The following COL6A6 variants were observed in gnomAD, a reference collection of about 807,000 sequenced individuals.
COL6A6 encodes collagen type VI alpha 6 chain.
A neutral mutation model predicts 208.6 loss-of-function variants in COL6A6; 183 were observed. The ratio of observed to expected loss-of-function variants is 0.88; its 90% CI spans 0.78 to 0.99. COL6A6 has a LOEUF of 0.99. COL6A6 is among the 50% of genes least tolerant of loss of function. COL6A6 has a pLI of 0.00. For synonymous variants in COL6A6, 973 were observed against 1,011.8 expected, an observed-to-expected ratio of 0.96 and a Z score of 0.73; for missense variants, 2,816 against 2,815.2, an observed-to-expected ratio of 1.00 and a Z score of -0.01.
intron 1 of COL6A6, among the ~76,000 whole-genome samples, chr3:130,533,572 AAAT>A (rs1193968577): frequency 6.6e-6 from 1 of 152,252 alleles, no homozygotes; most frequent in Non-Finnish European, 1.5e-5. Flanking sequence ...CTTTTTAAAA[AAAT>A]AAAATATTAC....
chr3:130,519,739 C>T (rs28427871), intron 1 of COL6A6, among the ~76,000 whole-genome samples: 29,721 of 152,002 alleles, frequency 0.2, 3,324 homozygotes, highest in East Asian at 0.38. Context: ...ACAAGATCTT[C>T]GTAAAATGCC....
intron 23 of COL6A6, among the ~76,000 whole-genome samples, chr3:130,616,084 T>C (rs1011833269): frequency 2.0e-5 from 3 of 152,190 alleles, no homozygotes; most frequent in Admixed American, 2.0e-4. Context: ...ATGTGTACAA[T>C]TTTTTATGTT....
intron 24 of COL6A6, 42 bp from the exon 25 acceptor site, chr3:130,626,443 A>T: frequency 7.1e-7 from 1 of 1,401,820 alleles, no homozygotes; most frequent in Non-Finnish European, 1.0e-6. Context: ...TAGTGCCATC[A>T]TTTCCAATTT....
intron 4 of COL6A6, among the ~76,000 whole-genome samples, chr3:130,565,939 C>T (rs2107891587): frequency 6.6e-6 from 1 of 152,212 alleles, no homozygotes; most frequent in Middle Eastern, 3.4e-3. Context: ...CTCACGTTCC[C>T]CTGCTCTTCC....
rs2064726686 is a variant in COL6A6 at position 130,621,804 on chromosome 3, C to A, written c.4816-17C>A. The A allele has an allele frequency of 1.9e-6, 3 of 1,611,862 alleles. No individual in the cohort carries two copies. The highest frequency in any genetic ancestry group is 1.7e-6 in the Non-Finnish European group (2 of 1,178,540). On this transcript the variant is annotated splice_polypyrimidine_tract_variant and intron_variant, in intron 23 of 36. Transcript: ENST00000358511. The stretch of plus-strand genomic sequence containing the variant: ...TTTATGTTTTGCTATATTTGCAAAC[C>A]CCTTGTTTTGTTTCAGGGGCCTCCA...
chr3:130,537,127 ATT>A (rs1266303378), intron 1 of COL6A6, among the ~76,000 whole-genome samples: 2 of 152,216 alleles, frequency 1.3e-5, no homozygotes, highest in Non-Finnish European at 2.9e-5. Context: ...ACAGTTAATT[ATT>A]TTTTAGTGTA....
chr3:130,668,290 A>G (rs1315929907), intron 36 of COL6A6, among the ~76,000 whole-genome samples: 1 of 152,094 alleles, frequency 6.6e-6, no homozygotes, highest in Non-Finnish European at 1.5e-5. Flanking sequence ...CAGCCTGGCC[A>G]ACATGGTGAA....
chr3:130,645,846 C>T (rs1048613118), intron 32 of COL6A6, among the ~76,000 whole-genome samples: 1 of 152,194 alleles, frequency 6.6e-6, no homozygotes, highest in Non-Finnish European at 1.5e-5. Flanking sequence ...AAACTTATCA[C>T]CCTCTTATAC....
chr3:130,676,374 G>A lies in COL6A6; in HGVS notation c.*977G>A, dbSNP rs1046967660. ...TATGCAGTTGCAGAGATGCAAAAGA[G>A]ATCAGAGTAAGTTAAAGTAGGAAAG... is the stretch of plus-strand genomic sequence containing the variant. On this transcript the variant is annotated 3_prime_UTR_variant, in exon 37 of 37. Transcript: ENST00000358511. 6.6e-6 allele frequency: 1 copy of A among 152,252 alleles called. No homozygotes were observed. The highest frequency in any genetic ancestry group is 2.4e-5 in the African/African-American group (1 of 41,474). 9.4% of individuals were successfully genotyped at this position (152,252 alleles called of 1,614,324 possible). A position where few individuals can be genotyped will look rare whatever the true frequency, so the allele number is the denominator to read the frequency against.
At chr3:130,607,362 G>A (rs936571478) in intron 21 of COL6A6, among the ~76,000 whole-genome samples, 1 of 152,112 alleles carries the variant, frequency 6.6e-6, no homozygotes, top group Non-Finnish European at 1.5e-5. Context: ...GATATTCTGA[G>A]TATTTTGTTC....
At chr3:130,634,655 C>G (rs1487801815) in intron 27 of COL6A6, 30 bp downstream of exon 27, 4 of 1,563,510 alleles carry the variant, frequency 2.6e-6, no homozygotes, top group Non-Finnish European at 1.8e-6. Context: ...AACTAGAGAT[C>G]AGTCAGAAAT....
At position 130,589,100 on chromosome 3, in the gene COL6A6, C is replaced by G; in HGVS notation, c.4136C>G (p.Ala1379Gly). The G allele has an allele frequency of 2.5e-6, 4 of 1,613,582 alleles. No individual in the cohort carries two copies. Among genetic ancestry groups the G allele is most frequent in the Non-Finnish European group, 2.5e-6 (3 of 1,179,600 alleles). ...TTACCCTCTCCCAAGGTCAATGTTG[C>G]TGAAAGGACATGCTGCTGTTTGTTC... ...SRLSKQLVNVAERTCCCLFCK... is the reference protein window; with the variant it reads ...SRLSKQLVNVGERTCCCLFCK... The change falls in exon 12 of 37, where the codon GCT becomes GGT. Residue 1379 changes from alanine to glycine, a missense_variant. By Grantham distance (60) the Ala-to-Gly change is moderately conservative. Transcript: ENST00000358511.
rs2065428963 is a variant in COL6A6, at chr3:130,645,092, A to G, written c.5239+90A>G. The G allele has an allele frequency of 8.1e-6, 10 of 1,241,532 alleles. No homozygotes were observed. In the Admixed American group the frequency reaches 8.5e-5, roughly 11 times the overall value. The allele number at this position is 1,241,532 out of a possible 1,614,324, so 76.9% of individuals were successfully genotyped here. The stretch of plus-strand genomic sequence containing the variant: ...GAGTTAGAGCAATGTATTGGCTTCC[A>G]AATGACACAAATTTTATCTGGGCTT... On this transcript the variant is annotated intron_variant, in intron 32 of 36. Coordinates refer to ENST00000358511, the MANE Select transcript of COL6A6 (RefSeq NM_001102608.3).
At chr3:130,588,943 T>G (rs2063607558) in intron 11 of COL6A6, 147 bp from the exon 12 acceptor site, 1 of 443,660 alleles carries the variant, frequency 2.3e-6, no homozygotes, top group African/African-American at 2.1e-5. Flanking sequence ...AAAAAAAGTT[T>G]CATGCATTCT....
At chr3:130,615,700 A>G (rs1033367825) in intron 23 of COL6A6, among the ~76,000 whole-genome samples, 1 of 152,222 alleles carries the variant, frequency 6.6e-6, no homozygotes, top group East Asian at 1.9e-4. Context: ...GGTACCATAA[A>G]TTGAAATTTG....
In COL6A6 at chr3:130,586,551, C is replaced by G. The variant is rs1211369817; in HGVS notation, c.4016C>G (p.Ser1339Ter). ...GTTGCTCTGGATGGACCTGCTGATTCAAGTGACTTGGCTGATCTTCCCTAT... is the reference window on the plus strand; with the variant it reads ...GTTGCTCTGGATGGACCTGCTGATTGAAGTGACTTGGCTGATCTTCCCTAT... ...ITVALDGPAD[S>*]SDLADLPYIE... Residue 1339 changes from serine to a stop codon, truncating the protein, a stop_gained, in exon 11 of 37, where the codon TCA becomes TGA. Coordinates refer to ENST00000358511, the MANE Select transcript of COL6A6 (RefSeq NM_001102608.3). LOFTEE classifies it high-confidence loss of function. The G allele has an allele frequency of 6.2e-7, 1 of 1,613,878 alleles. No homozygotes were observed. The highest frequency in any genetic ancestry group is 8.5e-7 in the Non-Finnish European group (1 of 1,179,840).
At chr3:130,610,907 A>C (rs1225527054) in intron 23 of COL6A6, among the ~76,000 whole-genome samples, 196 bp downstream of exon 23, 1 of 152,160 alleles carries the variant, frequency 6.6e-6, no homozygotes, top group Non-Finnish European at 1.5e-5. Flanking sequence ...TCAGACACAG[A>C]GGTAGAAAAT....
At chr3:130,634,213 ATAAATAAATAAATAAATAAATAAATAAAT>A (rs2065032168) in intron 26 of COL6A6, among the ~76,000 whole-genome samples, 1 of 52,448 alleles carries the variant, frequency 1.9e-5, no homozygotes. Flanking sequence ...AAAAAAAAAA[ATAAATAAATAAATAAATAAATAAATAAAT>A]AAAAAAAAAA....
At chr3:130,557,362 T>A (rs2107832463) in intron 1 of COL6A6, among the ~76,000 whole-genome samples, 1 of 152,364 alleles carries the variant, frequency 6.6e-6, no homozygotes, top group East Asian at 1.9e-4. Flanking sequence ...ATTTATTCAA[T>A]ATTTGTCTGT....
Sources: gnomAD v4.1 joint callset for allele counts (sites outside exome capture counted in the v4.1 genomes callset) on GRCh38, gnomAD v4.1.1 for gene constraint, MANE v1.5 for transcripts, NCBI Gene and HGNC (gene_info 2026-07-23, HGNC 2026-07-21) for gene names.